TIAM1: variants seen among roughly 807,000 people sequenced by gnomAD.
TIAM1 encodes the protein TIAM Rac1 associated GEF 1.
Under a neutral mutation model 163.5 loss-of-function variants are expected in TIAM1, and 65 were observed. The ratio of observed to expected loss-of-function variants is 0.40; its 90% confidence interval spans 0.33 to 0.49. The LOEUF (loss-of-function observed/expected upper bound fraction) is 0.49. Among genes scored for constraint, TIAM1 ranks in the 20% least tolerant of loss-of-function variants. The pLI is 0.77. For synonymous variants in TIAM1, 833 were observed against 810.1 expected, an observed-to-expected ratio of 1.03 and a Z score of -0.48; for missense variants, 1,789 against 2,044.7, an observed-to-expected ratio of 0.87 and a Z score of 2.41.
chr21:31,541,448 C>A (rs1006603808), intron 1 of TIAM1, among the ~76,000 whole-genome samples: 2 of 151,780 alleles, frequency 1.3e-5, no homozygotes, highest in East Asian at 1.9e-4. Flanking sequence ...CAGAGTGAGA[C>A]CCTGTCTCAA....
intron 1 of TIAM1, among the ~76,000 whole-genome samples, chr21:31,490,978 AGC>A (rs1392588993): frequency 6.6e-6 from 1 of 152,130 alleles, no homozygotes. Context: ...TACAAAAATT[AGC>A]CGGGCGTGGT....
intron 1 of TIAM1, among the ~76,000 whole-genome samples, chr21:31,554,428 T>C (rs540345570): frequency 6.6e-6 from 1 of 152,240 alleles, no homozygotes; most frequent in East Asian, 1.9e-4. Context: ...GAATTCAAAG[T>C]GGTCCCAAAC....
intron 1 of TIAM1, among the ~76,000 whole-genome samples, chr21:31,522,122 C>T (rs981111380): frequency 1.3e-5 from 2 of 151,966 alleles, no homozygotes; most frequent in South Asian, 2.1e-4. Flanking sequence ...CCGCCCGCCT[C>T]GGCCTCCCAA....
At chr21:31,555,089 C>T (rs1469178895) in intron 1 of TIAM1, among the ~76,000 whole-genome samples, 1 of 151,958 alleles carries the variant, frequency 6.6e-6, no homozygotes, top group African/African-American at 2.4e-5. Flanking sequence ...AAAAAACACT[C>T]TGTTCCTTGC....
intron 4 of TIAM1, among the ~76,000 whole-genome samples, chr21:31,263,231 G>A (rs773566098): frequency 9.9e-5 from 15 of 152,106 alleles, no homozygotes; most frequent in Non-Finnish European, 1.6e-4. Context: ...ATCCTATTTG[G>A]TTCTCCCAAT....
chr21:31,493,784 G>A (rs973401747), intron 1 of TIAM1, among the ~76,000 whole-genome samples: 4 of 152,164 alleles, frequency 2.6e-5, no homozygotes, highest in Non-Finnish European at 4.4e-5. Context: ...CCAGCTGGTG[G>A]CGTCTGCACT....
intron 1 of TIAM1, among the ~76,000 whole-genome samples, chr21:31,499,150 G>A (rs1275600308): frequency 6.6e-6 from 1 of 152,152 alleles, no homozygotes; most frequent in Non-Finnish European, 1.5e-5. Context: ...CAGAGCTGAG[G>A]AGCTCCTAGT....
In TIAM1 at chr21:31,162,843, T is replaced by C. The variant is rs2083996676; in HGVS notation, c.2991+2119A>G. 2.6e-5 allele frequency among the ~76,000 whole-genome samples: 4 copies of C among 152,228 alleles called. No individual in the cohort carries two copies. In the South Asian group the frequency reaches 8.3e-4, roughly 32 times the overall value. On this transcript the variant is annotated intron_variant, in intron 16 of 27. Coordinates refer to ENST00000541036, the MANE Select transcript of TIAM1 (RefSeq NM_001353694.2). Reference sequence around the variant, plus strand: ...ACTAAGAATTTCTACAAGAAAATCTTTGAACAGCACCATCTATTTCTATAT... The same window carrying C: ...ACTAAGAATTTCTACAAGAAAATCTCTGAACAGCACCATCTATTTCTATAT...
At chr21:31,376,754 C>T (rs982334039) in intron 2 of TIAM1, among the ~76,000 whole-genome samples, 3 of 151,776 alleles carry the variant, frequency 2.0e-5, no homozygotes, top group Non-Finnish European at 4.4e-5. Context: ...TCTAGAATGC[C>T]TTCTGTAATA....
intron 4 of TIAM1, among the ~76,000 whole-genome samples, chr21:31,253,082 A>T (rs2071905212): frequency 6.6e-6 from 1 of 152,234 alleles, no homozygotes; most frequent in Non-Finnish European, 1.5e-5. Context: ...CTGTTCTGAA[A>T]TCAGTATCTT....
intron 15 of TIAM1, among the ~76,000 whole-genome samples, chr21:31,171,326 TAAAC>T (rs1479270676): frequency 6.6e-6 from 1 of 152,156 alleles, no homozygotes; most frequent in Non-Finnish European, 1.5e-5. Flanking sequence ...AGAGATTTCT[TAAAC>T]AAGATGTAAA....
intron 15 of TIAM1, among the ~76,000 whole-genome samples, chr21:31,170,313 A>C (rs1319282400): frequency 6.6e-6 from 1 of 152,246 alleles, no homozygotes; most frequent in East Asian, 1.9e-4. Context: ...AGCTTGATCC[A>C]TGAATGCATT....
rs920952919 is a variant in TIAM1 at position 31,395,703 on chromosome 21, G to A, written c.-368-56281C>T. Among the ~76,000 whole-genome samples, 19 of 152,120 alleles carry A rather than the reference G, an allele frequency of 1.2e-4. No homozygotes were observed. Among genetic ancestry groups the A allele is most frequent in the Non-Finnish European group, 2.6e-4 (18 of 68,034 alleles). The stretch of plus-strand genomic sequence containing the variant: ...ACTAAAACATCTATCTTGGGGAGGG[G>A]GCGCATGCGTTCCCCTGGCTGTCGC... On this transcript the variant is annotated intron_variant, in intron 2 of 28. Transcript: ENST00000286827. The surrounding 1 kb of genome is among the most constrained non-coding windows in gnomAD (Gnocchi z 7.5).
rs917567133 is a variant in TIAM1, at chr21:31,558,224, G to A, written c.-422+703C>T. ...GCAGAGCTGGTGAGAGGGCGAGGCG[G>A]GGACGGGATAGGGCGCGGGGACCCA... On this transcript the variant is annotated intron_variant, in intron 1 of 28. Coordinates refer to the TIAM1 transcript ENST00000286827. Among the ~76,000 whole-genome samples, 4 of 152,174 alleles carry A rather than the reference G, an allele frequency of 2.6e-5. No individual in the cohort carries two copies. The East Asian group carries it at 7.8e-4, about 30-fold the overall frequency.
intron 2 of TIAM1, among the ~76,000 whole-genome samples, chr21:31,360,027 C>T (rs531332384): frequency 3.9e-5 from 6 of 152,080 alleles, no homozygotes; most frequent in African/African-American, 1.2e-4. Context: ...AATATATTTA[C>T]ACCTAGACAT....
chr21:31,180,402 G>T (rs905276841), intron 15 of TIAM1, among the ~76,000 whole-genome samples: 1 of 152,134 alleles, frequency 6.6e-6, no homozygotes, highest in Non-Finnish European at 1.5e-5. Flanking sequence ...TGCCATTACA[G>T]AAGGAAAACA....
At chr21:31,129,874 CAAG>C (rs1357015856) in intron 25 of TIAM1, among the ~76,000 whole-genome samples, 2 of 152,100 alleles carry the variant, frequency 1.3e-5, no homozygotes, top group Non-Finnish European at 2.9e-5. Flanking sequence ...AGGATTCTTT[CAAG>C]AAGCACAGGC....
intron 6 of TIAM1, among the ~76,000 whole-genome samples, chr21:31,229,642 G>A (rs1043750139): frequency 1.3e-5 from 2 of 149,772 alleles, no homozygotes; most frequent in Non-Finnish European, 2.9e-5. Flanking sequence ...AGGGGAGTTC[G>A]TGTCTTCACC....
intron 23 of TIAM1, 23 bp downstream of exon 23, chr21:31,135,910 T>C: frequency 6.2e-7 from 1 of 1,606,564 alleles, no homozygotes. Flanking sequence ...TCCCCCTCCA[T>C]AAAACGCTTT....
Sources: gnomAD v4.1 joint callset for allele counts (sites outside exome capture counted in the v4.1 genomes callset) on GRCh38, gnomAD v4.1.1 for gene constraint, Gnocchi (gnomAD v3.1) non-coding constraint, MANE v1.5 for transcripts, NCBI Gene and HGNC (gene_info 2026-07-23, HGNC 2026-07-21) for gene names.